The following PARVG variants were observed in gnomAD, a reference collection of about 807,000 sequenced individuals.
The protein encoded by PARVG is parvin gamma, also known as gamma-parvin.
In PARVG, 36 loss-of-function variants were observed where a neutral mutation model predicts 44.4. The observed-to-expected ratio is 0.81, with a 90% CI of 0.62 to 1.07. The LOEUF (loss-of-function observed/expected upper bound fraction) is 1.07, where lower values mean the gene tolerates loss of function less well. Ranked by LOEUF, PARVG falls within the 50% of genes least tolerant of loss-of-function variation. The pLI is 0.00. For synonymous variants in PARVG, 170 were observed against 174.1 expected, an observed-to-expected ratio of 0.98 and a Z score of 0.19; for missense variants, 407 against 407.4, an observed-to-expected ratio of 1.00 and a Z score of 0.01.
At chr22:44,183,729 CG>C in intron 3 of PARVG, 1 of 416,254 alleles carries the variant, frequency 2.4e-6, no homozygotes, top group Non-Finnish European at 4.2e-6. Context: ...TTCTCAAGGG[CG>C]GGCATCAGTG....
In PARVG at chr22:44,198,624, G is replaced by C. The variant is rs1037632428; in HGVS notation, c.715G>C (p.Ala239Pro). 1.9e-6 allele frequency: 3 copies of C among 1,611,386 alleles called. No individual in the cohort carries two copies. Among genetic ancestry groups the C allele is most frequent in the African/African-American group, 1.3e-5 (1 of 74,878 alleles). ...TCTCCAGTTCCTTCCTTTGTAGTTT[G>C]CAGATGGGGTCATCTTACTCTTGCT... ...LSVQNLDTQF[A>P]DGVILLLLIG... is the part of the protein sequence containing the mutation. Residue 239 changes from alanine to proline, a missense_variant, in exon 12 of 14, where the codon GCA becomes CCA. By Grantham distance (27) the Ala-to-Pro change is conservative (BLOSUM62 -1). Transcript: ENST00000444313.
chr22:44,190,735 G>T, intron 7 of PARVG, 69 bp downstream of exon 7: 2 of 1,330,688 alleles, frequency 1.5e-6, no homozygotes, highest in Admixed American at 1.7e-5. Flanking sequence ...GCCGTACCCT[G>T]CATGGGTGGA....
chr22:44,174,133 C>T (rs927665171), intron 1 of PARVG, among the ~76,000 whole-genome samples: 3 of 152,118 alleles, frequency 2.0e-5, no homozygotes, highest in Admixed American at 6.6e-5. Context: ...GGCAAGTGGC[C>T]AGTGAGAAGA....
intron 11 of PARVG, 115 bp from the exon 12 acceptor site, chr22:44,198,506 C>A (rs2054647869): frequency 1.3e-6 from 1 of 794,756 alleles, no homozygotes; most frequent in Non-Finnish European, 2.1e-6. Flanking sequence ...CTCATCAAGG[C>A]ACCAGAGGCT....
chr22:44,202,489 T>G (rs2054723542), intron 12 of PARVG, among the ~76,000 whole-genome samples: 1 of 152,340 alleles, frequency 6.6e-6, no homozygotes, highest in Non-Finnish European at 1.5e-5. Flanking sequence ...ACGTGCAGAC[T>G]TCCATGTTGC....
chr22:44,189,076 C>T, intron 5 of PARVG, 38 bp from the exon 6 acceptor site: 1 of 1,612,878 alleles, frequency 6.2e-7, no homozygotes. Context: ...CTGGTCTGTC[C>T]CCGGCCAGGG....
chr22:44,186,609 G>A (rs774698484), intron 4 of PARVG: 5 of 471,178 alleles, frequency 1.1e-5, no homozygotes, highest in South Asian at 7.7e-5. Flanking sequence ...CTGGCACTGG[G>A]GACACCATCT....
intron 3 of PARVG, chr22:44,184,483 C>A (rs528575391): frequency 2.6e-4 from 39 of 152,324 alleles, no homozygotes; most frequent in African/African-American, 9.1e-4. Context: ...GGCTTATAGG[C>A]ACCTGCCACC....
intron 9 of PARVG, among the ~76,000 whole-genome samples, chr22:44,194,389 G>A (rs2054589765): frequency 6.6e-6 from 1 of 152,090 alleles, no homozygotes; most frequent in South Asian, 2.1e-4. Context: ...TCACTGGTCT[G>A]GCCAGCTCTT....
At chr22:44,189,525 T>C (rs2054520082) in intron 6 of PARVG, among the ~76,000 whole-genome samples, 1 of 152,216 alleles carries the variant, frequency 6.6e-6, no homozygotes, top group Admixed American at 6.5e-5. Flanking sequence ...GCTATCTGAA[T>C]GACAGCCACT....
intron 4 of PARVG, chr22:44,186,629 C>A (rs776109689): frequency 2.1e-6 from 1 of 471,200 alleles, no homozygotes; most frequent in South Asian, 1.5e-5. Flanking sequence ...TGTGGTCTTG[C>A]CCGGAAGACC....
chr22:44,195,692 G>A (rs1317936394), intron 9 of PARVG, among the ~76,000 whole-genome samples: 1 of 152,202 alleles, frequency 6.6e-6, no homozygotes, highest in Non-Finnish European at 1.5e-5. Flanking sequence ...AAAACCAAGG[G>A]GAGGAGACTC....
intron 13 of PARVG, 140 bp from the exon 14 acceptor site, chr22:44,206,177 T>C: frequency 1.5e-6 from 1 of 670,646 alleles, no homozygotes; most frequent in South Asian, 1.8e-5. Context: ...AGGCCTGGAG[T>C]GACCAGCTGT....
At position 44,183,393 on chromosome 22, in the gene PARVG, G is replaced by C; in HGVS notation, c.64G>C (p.Glu22Gln). The change falls in exon 3 of 14, where the codon GAG (glutamate) becomes CAG (glutamine). Residue 22 changes from glutamate (E) to glutamine (Q), a missense_variant. Physicochemically the swap from Glu to Gln is conservative, Grantham distance 29 (BLOSUM62 2). Coordinates refer to ENST00000444313, the MANE Select transcript of PARVG (RefSeq NM_022141.7). Reference sequence around the variant, plus strand: ...CAAGGGGGTGGAGCCCCCAGCGGAGGAGGAGCTCTCAAAAGGTGTGTGCCC... The same window carrying C: ...CAAGGGGGTGGAGCCCCCAGCGGAGCAGGAGCTCTCAAAAGGTGTGTGCCC... ...LPKGVEPPAE[E>Q]ELSKGGKKKY... is the part of the protein sequence containing the mutation. 1 of 1,605,698 alleles carries C rather than the reference G, an allele frequency of 6.2e-7. No homozygotes were observed. The highest frequency in any genetic ancestry group is 8.5e-7 in the Non-Finnish European group (1 of 1,177,590).
chr22:44,190,871 C>T (rs750496744), intron 7 of PARVG, among the ~76,000 whole-genome samples: 84 of 152,156 alleles, frequency 5.5e-4, no homozygotes, highest in Non-Finnish European at 9.3e-4. Context: ...GTGGGGCTGG[C>T]GGAGGCCTGG....
exon 1 of PARVG, chr22:44,172,985 T>C: frequency 7.8e-7 from 1 of 1,289,518 alleles, no homozygotes; most frequent in Non-Finnish European, 1.0e-6. Context: ...TAATCTTTCA[T>C]GCATTTAGCA....
At chr22:44,196,041 G>A (rs1021172430) in intron 9 of PARVG, 114 bp from the exon 10 acceptor site, 8 of 1,113,230 alleles carry the variant, frequency 7.2e-6, no homozygotes, top group Admixed American at 5.9e-5. Flanking sequence ...GATGTAAAAC[G>A]ACAGCTCCCT....
rs779446837 is a variant in PARVG, at chr22:44,183,321, T to C, written c.-9T>C. On this transcript the variant is annotated 5_prime_UTR_variant, in exon 3 of 14. Transcript: ENST00000444313. ...CTCTCCTGCCTCCTCTGTGCAGGCT[T>C]GGGAGGCGATGGAGCCGGAGTTCTT... is the stretch of plus-strand genomic sequence containing the variant. The C allele has an allele frequency of 6.2e-7, 1 of 1,607,804 alleles. No homozygotes were observed. Among genetic ancestry groups the C allele is most frequent in the East Asian group, 2.2e-5 (1 of 44,672 alleles).
rs3842780 is a variant in PARVG at position 44,190,639 on chromosome 22, C to A, written c.477C>A (p.Asn159Lys). 2.6e-3 allele frequency: 4,168 copies of A among 1,613,954 alleles called. 102 individuals are homozygous for A. The African/African-American group carries it at 0.051, about 20-fold the overall frequency. ...AGCCCGACCTCTCCCTCCCAACCAA[C>A]GTCCAGGTGGAGGTCATCACTATCG... is the stretch of plus-strand genomic sequence containing the variant. ...RFQPDLSLPT[N>K]VQVEVITIES... Residue 159 changes from asparagine (N) to lysine (K), a missense_variant, in exon 7 of 14, where the codon AAC becomes AAA. By Grantham distance (94) the Asn-to-Lys change is moderately conservative. Coordinates refer to ENST00000444313, the MANE Select transcript of PARVG (RefSeq NM_022141.7).
Sources: allele counts gnomAD v4.1 joint callset (sites outside exome capture counted in the v4.1 genomes callset), GRCh38; gene constraint gnomAD v4.1.1; transcripts MANE v1.5; gene names NCBI Gene and HGNC (gene_info 2026-07-23, HGNC 2026-07-21).